KAT6B: variants seen among roughly 807,000 people sequenced by gnomAD.
KAT6B encodes lysine acetyltransferase 6B.
Under a neutral mutation model 187.5 loss-of-function variants are expected in KAT6B, and 10 were observed. The ratio of observed to expected loss-of-function variants is 0.05; its 90% CI spans 0.03 to 0.09. The LOEUF (loss-of-function observed/expected upper bound fraction) is 0.09, where lower values mean the gene tolerates loss of function less well. KAT6B is among the 10% of genes least tolerant of loss of function. The pLI, the probability that KAT6B is intolerant of heterozygous loss-of-function variation, is 1.00. For missense variants in KAT6B, 1,952 were observed against 2,558.9 expected, an observed-to-expected ratio of 0.76 and a Z score of 5.12; for synonymous variants, 861 against 926.8, an observed-to-expected ratio of 0.93 and a Z score of 1.29.
chr10:74,856,948 T>G (rs1842863745), intron 3 of KAT6B, among the ~76,000 whole-genome samples: 1 of 152,132 alleles, frequency 6.6e-6, no homozygotes, highest in South Asian at 2.1e-4. Flanking sequence ...ATGTTGTATA[T>G]TTCTTCTTGT....
intron 3 of KAT6B, among the ~76,000 whole-genome samples, chr10:74,891,551 T>C (rs1325107151): frequency 2.0e-5 from 3 of 152,220 alleles, no homozygotes; most frequent in Non-Finnish European, 2.9e-5. Flanking sequence ...TTTTAGTAAA[T>C]GGATATTTTA....
intron 3 of KAT6B, among the ~76,000 whole-genome samples, chr10:74,887,954 C>G (rs546018352): frequency 2.6e-5 from 4 of 152,132 alleles, no homozygotes; most frequent in Non-Finnish European, 4.4e-5. Flanking sequence ...CCACTGCAGC[C>G]CAGCCTGGTT....
intron 17 of KAT6B, among the ~76,000 whole-genome samples, chr10:75,027,575 ATATT>A (rs1424443427): frequency 1.3e-5 from 2 of 151,672 alleles, no homozygotes; most frequent in Admixed American, 1.3e-4. Context: ...CTTCATGCAT[ATATT>A]TATTAATATA....
chr10:74,881,604 C>T (rs16931798), intron 3 of KAT6B, among the ~76,000 whole-genome samples: 5,148 of 152,208 alleles, frequency 0.034, 170 homozygotes, highest in East Asian at 0.11. Context: ...GCAGAATTTT[C>T]GTGTTAAACC....
At chr10:74,943,081 A>G (rs1849815660) in intron 3 of KAT6B, among the ~76,000 whole-genome samples, 1 of 152,232 alleles carries the variant, frequency 6.6e-6, no homozygotes, top group Non-Finnish European at 1.5e-5. Flanking sequence ...ATCTATATCA[A>G]AAATCCTAAG....
chr10:74,968,485 A>G (rs771430305), intron 4 of KAT6B, among the ~76,000 whole-genome samples: 49 of 152,214 alleles, frequency 3.2e-4, no homozygotes, highest in Non-Finnish European at 6.3e-4. Context: ...TGGTGGGTGG[A>G]ATTTTATGAA....
chr10:74,867,016 A>ATACT (rs1843597465), intron 3 of KAT6B, among the ~76,000 whole-genome samples: 1 of 152,182 alleles, frequency 6.6e-6, no homozygotes, highest in South Asian at 2.1e-4. Flanking sequence ...TACTGTTTAT[A>ATACT]GTGCCCATTA....
chr10:74,935,390 AT>A (rs34132437), intron 3 of KAT6B, among the ~76,000 whole-genome samples: 42,221 of 148,862 alleles, frequency 0.28, 10,045 homozygotes, highest in African/African-American at 0.64. Flanking sequence ...TTTTTTTTTC[AT>A]TTTTTTTTTG....
At chr10:74,836,388 G>A (rs76094612) in intron 1 of KAT6B, among the ~76,000 whole-genome samples, 2,484 of 152,246 alleles carry the variant, frequency 0.016, 59 homozygotes, top group African/African-American at 0.057. Context: ...TTGAGGAACC[G>A]CCAAACAGTG....
At chr10:74,838,529 C>G (rs1841483274) in intron 1 of KAT6B, among the ~76,000 whole-genome samples, 154 bp from the exon 2 acceptor site, 1 of 152,094 alleles carries the variant, frequency 6.6e-6, no homozygotes, top group South Asian at 2.1e-4. Context: ...TATAAGAATC[C>G]TTCAGTGGTC....
At chr10:74,856,372 C>T (rs563781420) in intron 3 of KAT6B, among the ~76,000 whole-genome samples, 1 of 152,170 alleles carries the variant, frequency 6.6e-6, no homozygotes, top group South Asian at 2.1e-4. Context: ...AAGGTGTGAG[C>T]CACTGCGCCT....
intron 3 of KAT6B, among the ~76,000 whole-genome samples, chr10:74,932,156 T>C (rs1299617834): frequency 6.6e-6 from 1 of 152,244 alleles, no homozygotes; most frequent in Non-Finnish European, 1.5e-5. Context: ...TTGAAGTAAG[T>C]AGTGGGCGCT....
chr10:74,993,128 C>T (rs1843213642), intron 13 of KAT6B, among the ~76,000 whole-genome samples: 1 of 152,174 alleles, frequency 6.6e-6, no homozygotes, highest in African/African-American at 2.4e-5. Context: ...TACTTCAGAG[C>T]CTCACACCGT....
At chr10:74,901,054 C>A (rs938149236) in intron 3 of KAT6B, among the ~76,000 whole-genome samples, 1 of 151,734 alleles carries the variant, frequency 6.6e-6, no homozygotes, top group Non-Finnish European at 1.5e-5. Context: ...CTTAAAATAT[C>A]TTTTATATTT....
chr10:74,874,836 G>A (rs1354056952), intron 3 of KAT6B, among the ~76,000 whole-genome samples: 1 of 152,104 alleles, frequency 6.6e-6, no homozygotes, highest in African/African-American at 2.4e-5. Context: ...GTGTGTATGT[G>A]TGTGTGTGTT....
chr10:74,864,083 T>A (rs545129323), intron 3 of KAT6B, among the ~76,000 whole-genome samples: 180 of 152,300 alleles, frequency 1.2e-3, no homozygotes, highest in African/African-American at 4.0e-3. Context: ...GTTGTTGTTT[T>A]TTTGAGACAG....
chr10:74,864,284 G>A (rs778174624), intron 3 of KAT6B, among the ~76,000 whole-genome samples: 1 of 152,048 alleles, frequency 6.6e-6, no homozygotes, highest in Non-Finnish European at 1.5e-5. Flanking sequence ...CTGTCGCCTA[G>A]GTTGGAGTGC....
chr10:74,935,488 C>T (rs537037783), intron 3 of KAT6B, among the ~76,000 whole-genome samples: 2 of 151,964 alleles, frequency 1.3e-5, no homozygotes, highest in East Asian at 1.9e-4. Flanking sequence ...TTTGTTGAGA[C>T]GAGATCTTGC....
At chr10:74,927,310 C>T (rs1409245539) in intron 3 of KAT6B, among the ~76,000 whole-genome samples, 5 of 152,166 alleles carry the variant, frequency 3.3e-5, no homozygotes, top group African/African-American at 7.2e-5. Context: ...AAAGCAGATC[C>T]CTGCAGATTG....
Sources: gnomAD v4.1 joint callset for allele counts (sites outside exome capture counted in the v4.1 genomes callset) on GRCh38, gnomAD v4.1.1 for gene constraint, MANE v1.5 for transcripts, NCBI Gene and HGNC (gene_info 2026-07-23, HGNC 2026-07-21) for gene names.